CNTNAP3B: variants seen among roughly 807,000 people sequenced by gnomAD.
The protein encoded by CNTNAP3B is contactin-associated protein-like 3B.
CNTNAP3B carries 25 observed loss-of-function variants against 108.9 expected under a neutral mutation model. The ratio of observed to expected loss-of-function variants is 0.23; its 90% confidence interval spans 0.17 to 0.32. CNTNAP3B has a LOEUF of 0.32. Ranked by LOEUF, CNTNAP3B falls within the 10% of genes least tolerant of loss-of-function variation. The pLI is 1.00. For missense variants in CNTNAP3B, 252 were observed against 1,210.4 expected, an observed-to-expected ratio of 0.21 and a Z score of 11.75; for synonymous variants, 103 against 473.4, an observed-to-expected ratio of 0.22 and a Z score of 10.16.
intron 1 of CNTNAP3B, among the ~76,000 whole-genome samples, chr9:42,118,293 C>T (rs1828369850): frequency 7.2e-6 from 1 of 139,354 alleles, no homozygotes; most frequent in African/African-American, 2.8e-5. Context: ...TACTGGCAAA[C>T]TGAATACAGC....
rs558310563 is a variant in CNTNAP3B at position 42,087,089 on chromosome 9, C to T, written c.197-10027G>A. Among the ~76,000 whole-genome samples the T allele has an allele frequency of 4.6e-3, 646 of 141,198 alleles. 55 individuals are homozygous for T. The highest frequency in any genetic ancestry group is 0.017 in the African/African-American group (626 of 36,642). The allele number at this position is 141,198 out of a possible 152,430, so 92.6% of individuals were successfully genotyped here. On this transcript the variant is annotated intron_variant, in intron 2 of 23. Coordinates refer to ENST00000377561, the MANE Select transcript of CNTNAP3B (RefSeq NM_001201380.3). ...TTTTAATGCTATTGTGAATGAAATTCTTTTCTTAATTTGATAATCAGATTG... is the reference window on the plus strand; with the variant it reads ...TTTTAATGCTATTGTGAATGAAATTTTTTTCTTAATTTGATAATCAGATTG...
intron 1 of CNTNAP3B, among the ~76,000 whole-genome samples, chr9:42,113,548 C>A (rs1379388720): frequency 7.2e-6 from 1 of 139,234 alleles, no homozygotes; most frequent in East Asian, 2.2e-4. Context: ...AATACAACAA[C>A]ACAGGTGCAT....
chr9:42,084,213 C>T lies in CNTNAP3B; in HGVS notation c.197-7151G>A, dbSNP rs1315403152. Among the ~76,000 whole-genome samples, 4 of 132,992 alleles carry T rather than the reference C, an allele frequency of 3.0e-5. No homozygotes were observed. The East Asian group carries it at 7.2e-4, about 24-fold the overall frequency. 87.2% of individuals were successfully genotyped at this position (132,992 alleles called of 152,430 possible). On this transcript the variant is annotated intron_variant, in intron 2 of 23. Transcript: ENST00000377561. ...CATCATTGTGCATTTTTTCATTCAT[C>T]CAATAAAGTATCTGATGAGACATAT...
chr9:42,127,680 A>G, intron 1 of CNTNAP3B, among the ~76,000 whole-genome samples: 1 of 139,954 alleles, frequency 7.1e-6, no homozygotes, highest in Admixed American at 7.1e-5. Context: ...AGCAGATTAA[A>G]GTTGAATCTG....
chr9:41,997,311 G>A (rs926312056), intron 6 of CNTNAP3B, among the ~76,000 whole-genome samples: 1 of 140,094 alleles, frequency 7.1e-6, no homozygotes, highest in South Asian at 2.1e-4. Flanking sequence ...TAATAACAAT[G>A]CTTGCTACCT....
At chr9:41,961,123 T>G (rs1371660644) in intron 11 of CNTNAP3B, among the ~76,000 whole-genome samples, 14 of 152,364 alleles carry the variant, frequency 9.2e-5, no homozygotes, top group African/African-American at 3.4e-4. Flanking sequence ...TACATTCAAA[T>G]GTTGGATGTT....
chr9:41,944,804 A>C (rs1367019988), intron 13 of CNTNAP3B, among the ~76,000 whole-genome samples: 1 of 152,294 alleles, frequency 6.6e-6, no homozygotes, highest in East Asian at 1.9e-4. Context: ...CTGCACAGCA[A>C]AAGAAACTAC....
chr9:41,954,310 A>C (rs1226562659), intron 12 of CNTNAP3B, among the ~76,000 whole-genome samples: 1 of 152,270 alleles, frequency 6.6e-6, no homozygotes, highest in Non-Finnish European at 1.5e-5. Context: ...CCAGCCCTTC[A>C]CATCTCAGGA....
At chr9:42,014,601 T>C (rs1826187736) in intron 3 of CNTNAP3B, among the ~76,000 whole-genome samples, 1 of 113,008 alleles carries the variant, frequency 8.8e-6, no homozygotes, top group African/African-American at 3.6e-5. Context: ...TCATCCTGGC[T>C]AACACGGTGA....
At chr9:41,921,049 A>G (rs1230294733) in intron 17 of CNTNAP3B, among the ~76,000 whole-genome samples, 1 of 152,302 alleles carries the variant, frequency 6.6e-6, no homozygotes, top group Non-Finnish European at 1.5e-5. Context: ...AATTACCTAG[A>G]GTTTCTGGAA....
chr9:41,952,237 A>T (rs1422708501), intron 13 of CNTNAP3B, among the ~76,000 whole-genome samples: 1 of 147,972 alleles, frequency 6.8e-6, no homozygotes, highest in Non-Finnish European at 1.5e-5. Flanking sequence ...TAAGAGTGAA[A>T]TTTAATTTAA....
At chr9:41,961,371 C>A (rs1470839370) in intron 11 of CNTNAP3B, among the ~76,000 whole-genome samples, 2 of 152,302 alleles carry the variant, frequency 1.3e-5, no homozygotes, top group Admixed American at 6.5e-5. Context: ...TGAAGAGATA[C>A]GAGAGGAAAA....
At chr9:41,931,003 A>G (rs1200399762) in intron 14 of CNTNAP3B, among the ~76,000 whole-genome samples, 1 of 152,280 alleles carries the variant, frequency 6.6e-6, no homozygotes, top group Non-Finnish European at 1.5e-5. Flanking sequence ...TCTGATTTAC[A>G]GACAAAACAC....
chr9:41,933,534 T>G (rs1473838083), intron 14 of CNTNAP3B, among the ~76,000 whole-genome samples: 1 of 152,296 alleles, frequency 6.6e-6, no homozygotes, highest in Non-Finnish European at 1.5e-5. Context: ...TTGTTAATAT[T>G]GCAAATAAAA....
At chr9:42,021,849 G>GA (rs1227032082) in intron 3 of CNTNAP3B, among the ~76,000 whole-genome samples, 1 of 137,962 alleles carries the variant, frequency 7.2e-6, no homozygotes, top group Non-Finnish European at 1.5e-5. Context: ...CAGTGAAATT[G>GA]AAACTGCCTT....
intron 10 of CNTNAP3B, among the ~76,000 whole-genome samples, chr9:41,969,065 G>A (rs1387360543): frequency 6.6e-6 from 1 of 152,294 alleles, no homozygotes; most frequent in African/African-American, 2.4e-5. Flanking sequence ...CAAAGTGCTG[G>A]GATTACAGGC....
chr9:42,107,442 T>C lies in CNTNAP3B; in HGVS notation c.86-2703A>G, dbSNP rs557569591. Among the ~76,000 whole-genome samples the C allele has an allele frequency of 3.6e-5, 4 of 109,798 alleles. 1 individual carries two copies. Among genetic ancestry groups the C allele is most frequent in the Non-Finnish European group, 7.3e-5 (4 of 54,984 alleles). 72.0% of individuals were successfully genotyped at this position (109,798 alleles called of 152,430 possible). ...TCTAAATAGGTGTAATAGATAATAG[T>C]TATTCTTTCCCTTGGTTTCTCCCTA... On this transcript the variant is annotated intron_variant, in intron 1 of 23. Coordinates refer to ENST00000377561, the MANE Select transcript of CNTNAP3B (RefSeq NM_001201380.3).
At chr9:42,123,408 G>T (rs1167340377) in intron 1 of CNTNAP3B, among the ~76,000 whole-genome samples, 1 of 124,216 alleles carries the variant, frequency 8.1e-6, no homozygotes, top group African/African-American at 3.3e-5. Flanking sequence ...AGGCAGCTCT[G>T]ATTGAACAGA....
intron 14 of CNTNAP3B, among the ~76,000 whole-genome samples, chr9:41,935,509 T>C (rs1461116739): frequency 1.3e-5 from 2 of 152,298 alleles, no homozygotes; most frequent in African/African-American, 4.8e-5. Context: ...ATCTAAATTA[T>C]TACAATTATA....
Sources: allele counts gnomAD v4.1 joint callset (sites outside exome capture counted in the v4.1 genomes callset), GRCh38; gene constraint gnomAD v4.1.1; transcripts MANE v1.5; gene names NCBI Gene and HGNC (gene_info 2026-07-23, HGNC 2026-07-21).